The following ACOT9 variants were observed in gnomAD, a reference collection of about 807,000 sequenced individuals.
ACOT9 encodes the protein acyl-CoA thioesterase 9, also known as acyl-coenzyme A thioesterase 9, mitochondrial.
A neutral mutation model predicts 39.7 loss-of-function variants in ACOT9; 34 were observed. The ratio of observed to expected loss-of-function variants is 0.86; its 90% CI spans 0.65 to 1.14. The LOEUF (loss-of-function observed/expected upper bound fraction) is 1.14, where lower values mean the gene tolerates loss of function less well. Among genes scored for constraint, ACOT9 ranks in the 50% most tolerant of loss-of-function variants. The probability of loss-of-function intolerance (pLI) is 0.00; values close to 1 mark genes in which losing one functional copy is unlikely to be tolerated. For missense variants in ACOT9, 313 were observed against 344.1 expected (o/e 0.91, Z 0.71); for synonymous variants, 110 against 120.5 (o/e 0.91, Z 0.57).
chrX:23,741,880 G>A (rs747044958), intron 1 of ACOT9, among the ~76,000 whole-genome samples: 2 of 110,487 alleles, frequency 1.8e-5, no homozygotes, highest in African/African-American at 3.3e-5. Context: ...TCACCATGTT[G>A]GCCAGGCTGG....
intron 8 of ACOT9, among the ~76,000 whole-genome samples, chrX:23,717,428 G>A (rs1178366553): frequency 8.9e-6 from 1 of 111,799 alleles, no homozygotes; most frequent in Non-Finnish European, 1.9e-5. Context: ...AGAGAGGTCC[G>A]GCTAGAGAAA....
chrX:23,737,956 C>T (rs2146859443), intron 1 of ACOT9, among the ~76,000 whole-genome samples: 1 of 106,277 alleles, frequency 9.4e-6, no homozygotes, highest in East Asian at 3.0e-4. Context: ...GCAAGCTCTG[C>T]CTCCCGGGTT....
intron 1 of ACOT9, among the ~76,000 whole-genome samples, chrX:23,742,246 GAGAGAGAGAGAT>G (rs1920979411): frequency 1.8e-5 from 1 of 56,440 alleles, no homozygotes; most frequent in African/African-American, 9.9e-5. Context: ...GGGAGAGAGA[GAGAGAGAGAGAT>G]ATCCAGGACC....
chrX:23,711,077 G>A (rs148440771), intron 9 of ACOT9, among the ~76,000 whole-genome samples: 1,462 of 111,143 alleles, frequency 0.013, 28 homozygotes, highest in African/African-American at 0.045. Context: ...TCAGCACTTT[G>A]GAATCCCTAG....
At chrX:23,708,763 ACTGT>A (rs1159668479) in intron 9 of ACOT9, among the ~76,000 whole-genome samples, 1 of 111,185 alleles carries the variant, frequency 9.0e-6, no homozygotes, top group Non-Finnish European at 1.9e-5. Context: ...TAACTGTATC[ACTGT>A]TGAATTTCTC....
At chrX:23,739,430 C>G (rs1194342465) in intron 1 of ACOT9, among the ~76,000 whole-genome samples, 5 of 111,338 alleles carry the variant, frequency 4.5e-5, no homozygotes, top group Non-Finnish European at 9.4e-5. Context: ...AAGAGCATGT[C>G]TAATATACTG....
intron 11 of ACOT9, among the ~76,000 whole-genome samples, chrX:23,706,251 G>T (rs1232218461): frequency 9.9e-6 from 1 of 100,562 alleles, no homozygotes; most frequent in Non-Finnish European, 2.0e-5. Flanking sequence ...GGGCAACAGG[G>T]TAAGACTCCA....
At chrX:23,704,120 C>A in intron 15 of ACOT9, 138 bp from the exon 16 acceptor site, 2 of 456,081 alleles carry the variant, frequency 4.4e-6, no homozygotes, top group Admixed American at 3.5e-5. Flanking sequence ...GCCACATTCC[C>A]AAAGGAGCAG....
intron 8 of ACOT9, among the ~76,000 whole-genome samples, chrX:23,718,297 T>A (rs1198416302): frequency 8.9e-6 from 1 of 111,750 alleles, no homozygotes; most frequent in Non-Finnish European, 1.9e-5. Flanking sequence ...GTGCTGGGAT[T>A]AGAACCTAAA....
At chrX:23,732,306 T>C (rs1404931412) in intron 4 of ACOT9, among the ~76,000 whole-genome samples, 1 of 112,588 alleles carries the variant, frequency 8.9e-6, no homozygotes, top group Non-Finnish European at 1.9e-5. Context: ...TAGCAAGGAA[T>C]TGCTGTCAAT....
rs751253016 is a variant in ACOT9 at position 23,733,886 on chromosome X, C to T, written c.145+455G>A. On this transcript the variant is annotated intron_variant, in intron 3 of 15. Coordinates refer to ENST00000379303, the MANE Select transcript of ACOT9 (RefSeq NM_001037171.2). Reference sequence around the variant, plus strand: ...AAGTGATTCTCCTGCCTCAGCCTCCCGAGTAGCTGGGATTGCAGGCAGGCA... The same window carrying T: ...AAGTGATTCTCCTGCCTCAGCCTCCTGAGTAGCTGGGATTGCAGGCAGGCA... Among the ~76,000 whole-genome samples, 359 of 112,479 alleles carry T rather than the reference C, an allele frequency of 3.2e-3. 2 individuals are homozygous for T. Among genetic ancestry groups the T allele is most frequent in the Non-Finnish European group, 4.7e-3 (249 of 53,274 alleles).
chrX:23,707,006 G>T (rs1601803655), intron 10 of ACOT9: 2 of 211,161 alleles, frequency 9.5e-6, no homozygotes, highest in East Asian at 1.8e-4. Context: ...CATTAAAACG[G>T]AGAAAACAGG....
chrX:23,712,107 T>C (rs1208006421), intron 9 of ACOT9, among the ~76,000 whole-genome samples: 1 of 111,368 alleles, frequency 9.0e-6, no homozygotes, highest in African/African-American at 3.3e-5. Context: ...ATTTAAGAGA[T>C]TGCACAACTC....
chrX:23,724,207 A>G lies in ACOT9; in HGVS notation c.401-1454T>C, dbSNP rs764449588. On this transcript the variant is annotated intron_variant, in intron 6 of 15. Transcript: ENST00000379303. ...AACCCAGGAGGTCAAGACTGTAGTT[A>G]GCCATGATCATGCCGCTACACTCCA... 2.7e-5 allele frequency among the ~76,000 whole-genome samples: 3 copies of G among 111,208 alleles called. No homozygotes were observed. The East Asian group carries it at 8.6e-4, about 32-fold the overall frequency.
chrX:23,733,119 T>G (rs1226116287), intron 4 of ACOT9, 53 bp downstream of exon 4: 32 of 1,103,178 alleles, frequency 2.9e-5, no homozygotes, highest in Middle Eastern at 2.4e-4. Context: ...CTAAATACAG[T>G]GTAGTATAAT....
At chrX:23,705,458 G>T in intron 13 of ACOT9, 51 bp downstream of exon 13, 1 of 981,785 alleles carries the variant, frequency 1.0e-6, no homozygotes, top group Non-Finnish European at 1.4e-6. Context: ...ATTTCAGTGG[G>T]GTGATATAAA....
intron 4 of ACOT9, among the ~76,000 whole-genome samples, 196 bp from the exon 5 acceptor site, chrX:23,731,182 A>G (rs987268540): frequency 4.5e-5 from 5 of 112,220 alleles, no homozygotes; most frequent in African/African-American, 1.6e-4. Context: ...TCAAGCTTAA[A>G]AACATTCTTA....
At chrX:23,709,669 A>G (rs932399863) in intron 9 of ACOT9, among the ~76,000 whole-genome samples, 1 of 111,399 alleles carries the variant, frequency 9.0e-6, no homozygotes, top group African/African-American at 3.3e-5. Context: ...CAGACTCCTA[A>G]ATCAAGTTTC....
rs1928486632 is a variant in ACOT9, at chrX:23,701,603, C to G, written c.*2291G>C. ...CAATCCACTCACCTCAGCCTCCTAA[C>G]TGGGACTACAGGTGCACACCACCAT... On this transcript the variant is annotated 3_prime_UTR_variant, in exon 16 of 16. Coordinates refer to ENST00000379303, the MANE Select transcript of ACOT9 (RefSeq NM_001037171.2). 9.0e-6 allele frequency among the ~76,000 whole-genome samples: 1 copy of G among 111,219 alleles called. No homozygotes were observed. Among genetic ancestry groups the G allele is most frequent in the South Asian group, 3.8e-4 (1 of 2,618 alleles).
Sources: gnomAD v4.1 joint callset for allele counts (sites outside exome capture counted in the v4.1 genomes callset) on GRCh38, gnomAD v4.1.1 for gene constraint, MANE v1.5 for transcripts, NCBI Gene and HGNC (gene_info 2026-07-23, HGNC 2026-07-21) for gene names.